ASTN2: variants seen among roughly 807,000 people sequenced by gnomAD.
The protein encoded by ASTN2 is astrotactin 2, also known as astrotactin-2.
In ASTN2, 54 loss-of-function variants were observed where a neutral mutation model predicts 139.8. The observed-to-expected ratio is 0.39, with a 90% CI of 0.31 to 0.48. ASTN2 has a LOEUF of 0.48. Among genes scored for constraint, ASTN2 ranks in the 20% least tolerant of loss-of-function variants. The probability of loss-of-function intolerance (pLI) is 0.95; values close to 1 mark genes in which losing one functional copy is unlikely to be tolerated. For missense variants in ASTN2, 1,565 were observed against 1,725.1 expected, an observed-to-expected ratio of 0.91 and a Z score of 1.64; for synonymous variants, 756 against 719.5, an observed-to-expected ratio of 1.05 and a Z score of -0.81.
At chr9:116,594,668 T>C (rs1454771988) in intron 19 of ASTN2, among the ~76,000 whole-genome samples, 1 of 152,166 alleles carries the variant, frequency 6.6e-6, no homozygotes, top group Non-Finnish European at 1.5e-5. Flanking sequence ...CAGAACTCCT[T>C]TGAGAAGCTC....
In ASTN2 at chr9:117,012,180, C is replaced by T. The variant is rs545228595; in HGVS notation, c.1424-3921G>A. Among the ~76,000 whole-genome samples the T allele has an allele frequency of 8.1e-4, 123 of 152,232 alleles. 1 individual carries two copies. Among genetic ancestry groups the T allele is most frequent in the African/African-American group, 2.6e-3 (110 of 41,536 alleles). ...TGGAATTGTGAAGCAGAAATGCCTC[C>T]ACGTTGATCTCACAGTTTAATTTTT... is the stretch of plus-strand genomic sequence containing the variant. On this transcript the variant is annotated intron_variant, in intron 6 of 22. Transcript: ENST00000313400.
At chr9:117,020,408 C>T (rs1022569074) in intron 6 of ASTN2, among the ~76,000 whole-genome samples, 2 of 151,726 alleles carry the variant, frequency 1.3e-5, no homozygotes, top group African/African-American at 4.8e-5. Flanking sequence ...GAGTCTGAGG[C>T]ACTGGGCCAA....
chr9:117,118,860 C>T (rs1829470042), intron 4 of ASTN2, among the ~76,000 whole-genome samples: 1 of 152,170 alleles, frequency 6.6e-6, no homozygotes, highest in African/African-American at 2.4e-5. Flanking sequence ...CTGTCACCTC[C>T]TCAAGAAGCC....
In ASTN2 at chr9:116,545,187, T is replaced by C. The variant is rs376612005; in HGVS notation, c.3356-57687A>G. On this transcript the variant is annotated intron_variant, in intron 19 of 22. Coordinates refer to ENST00000313400, the MANE Select transcript of ASTN2 (RefSeq NM_001365068.1). Reference sequence around the variant, plus strand: ...GACTTGGCATGGGGGTCCGCCTGCCTGGGGCCATTGGCTTGCCTCAAGAAA... The same window carrying C: ...GACTTGGCATGGGGGTCCGCCTGCCCGGGGCCATTGGCTTGCCTCAAGAAA... 6.4e-4 allele frequency among the ~76,000 whole-genome samples: 98 copies of C among 152,310 alleles called. 1 individual carries two copies. The highest frequency in any genetic ancestry group is 2.2e-3 in the African/African-American group (93 of 41,582).
At chr9:117,384,907 G>A (rs762294947) in intron 1 of ASTN2, among the ~76,000 whole-genome samples, 2 of 152,080 alleles carry the variant, frequency 1.3e-5, no homozygotes, top group Non-Finnish European at 2.9e-5. Context: ...ATGATCAGAT[G>A]GATAAATGGA....
intron 2 of ASTN2, among the ~76,000 whole-genome samples, chr9:117,276,441 C>T (rs1424739829): frequency 2.0e-5 from 3 of 152,210 alleles, no homozygotes; most frequent in Non-Finnish European, 4.4e-5. Context: ...AACTGACCCT[C>T]ATCTCCCCCC....
At chr9:116,943,619 C>T (rs1178443871) in intron 10 of ASTN2, among the ~76,000 whole-genome samples, 1 of 152,076 alleles carries the variant, frequency 6.6e-6, no homozygotes, top group Non-Finnish European at 1.5e-5. Context: ...TAGGATTGTG[C>T]AGTACTGCAG....
intron 2 of ASTN2, among the ~76,000 whole-genome samples, chr9:117,225,096 T>A (rs1832658886): frequency 6.6e-6 from 1 of 152,158 alleles, no homozygotes. Flanking sequence ...TATTTCTGGT[T>A]GAATTTGAAT....
At chr9:116,764,166 T>C (rs766169722) in intron 13 of ASTN2, among the ~76,000 whole-genome samples, 4 of 152,138 alleles carry the variant, frequency 2.6e-5, no homozygotes, top group Non-Finnish European at 5.9e-5. Flanking sequence ...TCCGGCCAGG[T>C]TCCCTTCAAG....
chr9:116,813,043 T>C (rs924014684), intron 12 of ASTN2, among the ~76,000 whole-genome samples: 46 of 152,172 alleles, frequency 3.0e-4, no homozygotes, highest in African/African-American at 1.1e-3. Flanking sequence ...TTTTGTACTA[T>C]GACACATAAT....
rs554584183 is a variant in ASTN2, at chr9:117,327,614, C to T, written c.443-36101G>A. On this transcript the variant is annotated intron_variant, in intron 1 of 22. Coordinates refer to ENST00000313400, the MANE Select transcript of ASTN2 (RefSeq NM_001365068.1). ...AAGTTTGTGAGCAGGAAAGGGAGAT[C>T]ATGACAGTACTGGTGTGTCTGGGGA... Among the ~76,000 whole-genome samples, 87 of 152,186 alleles carry T rather than the reference C, an allele frequency of 5.7e-4. 2 individuals are homozygous for T. In the South Asian group the frequency reaches 0.017, roughly 31 times the overall value.
intron 2 of ASTN2, among the ~76,000 whole-genome samples, chr9:117,255,025 C>G (rs897365002): frequency 3.3e-5 from 5 of 152,188 alleles, no homozygotes; most frequent in African/African-American, 1.2e-4. Flanking sequence ...TAAATCCTAC[C>G]TAATCCTAGT....
At chr9:117,057,266 TCC>T (rs540010000) in intron 5 of ASTN2, among the ~76,000 whole-genome samples, 329 of 152,308 alleles carry the variant, frequency 2.2e-3, no homozygotes, top group African/African-American at 7.4e-3. Flanking sequence ...TAAAAATGCT[TCC>T]TACCCCACCC....
chr9:116,569,587 C>G (rs1853407839), intron 19 of ASTN2, among the ~76,000 whole-genome samples: 1 of 152,130 alleles, frequency 6.6e-6, no homozygotes, highest in African/African-American at 2.4e-5. Flanking sequence ...AACTGGAGAA[C>G]AGAATTTGGT....
intron 16 of ASTN2, among the ~76,000 whole-genome samples, chr9:116,706,760 A>ATTTTTTTTTTTT (rs60395133): frequency 3.4e-5 from 3 of 88,048 alleles, no homozygotes; most frequent in African/African-American, 4.5e-5. Context: ...GCTGGCTAGA[A>ATTTTTTTTTTTT]TTTTTTTTTT....
chr9:117,244,518 A>T (rs1833308451), intron 2 of ASTN2, among the ~76,000 whole-genome samples: 1 of 146,000 alleles, frequency 6.8e-6, no homozygotes, highest in Admixed American at 6.8e-5. Flanking sequence ...GTCTTATCTT[A>T]GAACAGTGGG....
intron 1 of ASTN2, among the ~76,000 whole-genome samples, chr9:117,318,708 T>C (rs1463491555): frequency 2.0e-5 from 3 of 152,016 alleles, no homozygotes; most frequent in Non-Finnish European, 1.5e-5. Context: ...AATGAACACA[T>C]CCAATGTCCT....
chr9:117,095,264 T>C (rs942228200), intron 5 of ASTN2, among the ~76,000 whole-genome samples: 8 of 152,176 alleles, frequency 5.3e-5, no homozygotes, highest in African/African-American at 1.4e-4. Context: ...TTATAGACAA[T>C]CCAAGATGAA....
At chr9:116,632,205 AAAAG>A (rs1554723306) in intron 17 of ASTN2, among the ~76,000 whole-genome samples, 129 of 45,292 alleles carry the variant, frequency 2.8e-3, no homozygotes, top group Middle Eastern at 0.029. Context: ...AGAAAGAAAG[AAAAG>A]AAAGAAAGAA....
Sources: allele counts gnomAD v4.1 joint callset (sites outside exome capture counted in the v4.1 genomes callset), GRCh38; gene constraint gnomAD v4.1.1; transcripts MANE v1.5; gene names NCBI Gene and HGNC (gene_info 2026-07-23, HGNC 2026-07-21).